C16orf87: variants seen among roughly 807,000 people sequenced by gnomAD.
The protein encoded by C16orf87 is HDAC and MIER1 interacting protein 1.
A neutral mutation model predicts 21.0 loss-of-function variants in C16orf87; 13 were observed. The ratio of observed to expected loss-of-function variants is 0.62; its 90% CI spans 0.40 to 0.98. The LOEUF (loss-of-function observed/expected upper bound fraction) is 0.98. Among genes scored for constraint, C16orf87 ranks in the 50% least tolerant of loss-of-function variants. The pLI is 0.00. For synonymous variants in C16orf87, 49 were observed against 60.2 expected (o/e 0.81, Z 0.86); for missense variants, 113 against 180.4 (o/e 0.63, Z 2.14).
intron 2 of C16orf87, among the ~76,000 whole-genome samples, chr16:46,815,870 A>C (rs1041231284): frequency 2.6e-5 from 4 of 152,202 alleles, no homozygotes; most frequent in Admixed American, 2.6e-4. Flanking sequence ...AAATAGAATC[A>C]ACATATGATC....
intron 3 of C16orf87, 41 bp from the exon 4 acceptor site, chr16:46,803,111 G>A (rs1482418220): frequency 2.2e-6 from 2 of 923,410 alleles, no homozygotes; most frequent in Non-Finnish European, 3.4e-6. Context: ...AAAGGCAGTA[G>A]ATGCAGTAAA....
At chr16:46,820,778 C>T (rs1236784551) in intron 2 of C16orf87, among the ~76,000 whole-genome samples, 1 of 152,196 alleles carries the variant, frequency 6.6e-6, no homozygotes, top group Admixed American at 6.5e-5. Flanking sequence ...ACTGGTAAGA[C>T]TGGTCTCCAA....
At chr16:46,811,937 A>G (rs1254148688) in intron 2 of C16orf87, among the ~76,000 whole-genome samples, 1 of 152,122 alleles carries the variant, frequency 6.6e-6, no homozygotes, top group Non-Finnish European at 1.5e-5. Context: ...TGGGTGACAA[A>G]GCGACACCCT....
chr16:46,824,493 A>G lies in C16orf87; in HGVS notation c.67-11T>C. Reference sequence around the variant, plus strand: ...ACATGCAACAGGAACCTGTAGGAAAAAAAGAAAAATATATATTATTACTAT... The same window carrying G: ...ACATGCAACAGGAACCTGTAGGAAAGAAAGAAAAATATATATTATTACTAT... On this transcript the variant is annotated splice_polypyrimidine_tract_variant and intron_variant, in intron 1 of 3. Transcript: ENST00000285697. The G allele has an allele frequency of 7.9e-7, 1 of 1,273,108 alleles. No individual in the cohort carries two copies. The highest frequency in any genetic ancestry group is 2.1e-5 in the Admixed American group (1 of 47,226). The allele number at this position is 1,273,108 out of a possible 1,614,324, so 78.9% of individuals were successfully genotyped here. A position where few individuals can be genotyped will look rare whatever the true frequency, so the allele number is the denominator to read the frequency against.
At chr16:46,828,628 C>T (rs1246367889) in intron 1 of C16orf87, among the ~76,000 whole-genome samples, 1 of 152,156 alleles carries the variant, frequency 6.6e-6, no homozygotes, top group Non-Finnish European at 1.5e-5. Flanking sequence ...GATCTCTGTA[C>T]CCATTTTTCA....
At chr16:46,810,190 G>T (rs1968041971) in intron 2 of C16orf87, among the ~76,000 whole-genome samples, 1 of 152,122 alleles carries the variant, frequency 6.6e-6, no homozygotes, top group Admixed American at 6.6e-5. Context: ...ATTAAAATAT[G>T]TGAAATATGC....
At position 46,806,746 on chromosome 16, in the gene C16orf87, A is replaced by T. The variant is rs531988579; in HGVS notation, c.346+2857T>A. Among the ~76,000 whole-genome samples the T allele has an allele frequency of 5.2e-3, 792 of 152,314 alleles. 3 individuals carry two copies. The highest frequency in any genetic ancestry group is 7.4e-3 in the Non-Finnish European group (502 of 68,018). On this transcript the variant is annotated intron_variant, in intron 3 of 3. Transcript: ENST00000285697. Reference sequence around the variant, plus strand: ...TTTATAAAGATATATTATTATGATGATGTCTAACAAGCTTTCCTTTTCCAT... The same window carrying T: ...TTTATAAAGATATATTATTATGATGTTGTCTAACAAGCTTTCCTTTTCCAT...
chr16:46,803,631 C>A (rs938604287), intron 3 of C16orf87, among the ~76,000 whole-genome samples: 5 of 151,612 alleles, frequency 3.3e-5, no homozygotes, highest in African/African-American at 9.7e-5. Context: ...TTTCAGGATC[C>A]CCTGATTCTA....
chr16:46,822,786 T>C (rs1187878185), intron 2 of C16orf87, among the ~76,000 whole-genome samples: 1 of 152,224 alleles, frequency 6.6e-6, no homozygotes, highest in African/African-American at 2.4e-5. Flanking sequence ...GCTAGAATGA[T>C]CTTTCTAAAA....
intron 1 of C16orf87, among the ~76,000 whole-genome samples, chr16:46,827,584 T>A (rs1195372961): frequency 6.6e-6 from 1 of 152,162 alleles, no homozygotes; most frequent in Non-Finnish European, 1.5e-5. Context: ...TATTTATTTA[T>A]TTATCTTTTT....
intron 2 of C16orf87, among the ~76,000 whole-genome samples, chr16:46,810,206 C>T (rs1488903702): frequency 1.3e-5 from 2 of 152,056 alleles, no homozygotes; most frequent in Non-Finnish European, 2.9e-5. Context: ...TATGCAAAAG[C>T]AAAACTGATC....
At chr16:46,817,766 G>C (rs1022035424) in intron 2 of C16orf87, among the ~76,000 whole-genome samples, 1 of 151,658 alleles carries the variant, frequency 6.6e-6, no homozygotes, top group Non-Finnish European at 1.5e-5. Flanking sequence ...ATAGCTGTAC[G>C]GCAGACCTAA....
At chr16:46,823,431 C>T (rs1219783235) in intron 2 of C16orf87, among the ~76,000 whole-genome samples, 1 of 152,008 alleles carries the variant, frequency 6.6e-6, no homozygotes, top group African/African-American at 2.4e-5. Flanking sequence ...TGCTTTTAGC[C>T]AAGAATAAGT....
chr16:46,814,393 AG>A (rs1442225619), intron 2 of C16orf87, among the ~76,000 whole-genome samples: 1 of 152,226 alleles, frequency 6.6e-6, no homozygotes, highest in Non-Finnish European at 1.5e-5. Context: ...GGAAGCTCTC[AG>A]GAACAGAGCA....
At chr16:46,818,154 G>A in intron 2 of C16orf87, among the ~76,000 whole-genome samples, 1 of 151,962 alleles carries the variant, frequency 6.6e-6, no homozygotes, top group East Asian at 1.9e-4. Context: ...GGGATTATAG[G>A]CATGAGTCAC....
Position 46,801,993 on chromosome 16 carries a change from T to C in C16orf87, c.*959A>G, listed in dbSNP as rs762155090. 6.6e-6 allele frequency: 1 copy of C among 152,180 alleles called. No homozygotes were observed. The highest frequency in any genetic ancestry group is 2.1e-4 in the South Asian group (1 of 4,828). 9.4% of individuals were successfully genotyped at this position (152,180 alleles called of 1,614,324 possible). On this transcript the variant is annotated 3_prime_UTR_variant, in exon 4 of 4. Coordinates refer to ENST00000285697, the MANE Select transcript of C16orf87 (RefSeq NM_001001436.4). ...TAGAAAAATTAAGAATTTAAATATATTTCACAAACTTCACCAGAACAAAAA... is the reference window on the plus strand; with the variant it reads ...TAGAAAAATTAAGAATTTAAATATACTTCACAAACTTCACCAGAACAAAAA...
intron 1 of C16orf87, among the ~76,000 whole-genome samples, chr16:46,825,701 C>T (rs1370069515): frequency 1.3e-5 from 2 of 152,038 alleles, no homozygotes; most frequent in Non-Finnish European, 2.9e-5. Flanking sequence ...CACTTGAGGT[C>T]AGGAGTTTGA....
chr16:46,812,096 T>C (rs757399294), intron 2 of C16orf87, among the ~76,000 whole-genome samples: 1 of 151,960 alleles, frequency 6.6e-6, no homozygotes, highest in Non-Finnish European at 1.5e-5. Flanking sequence ...ATATACAAAT[T>C]AGCCAGGCAT....
intron 2 of C16orf87, among the ~76,000 whole-genome samples, chr16:46,810,969 T>C (rs1041265176): frequency 1.3e-5 from 2 of 152,186 alleles, no homozygotes; most frequent in African/African-American, 4.8e-5. Flanking sequence ...CATACGAAGA[T>C]ACTAAAGAAC....
Sources: allele counts gnomAD v4.1 joint callset (sites outside exome capture counted in the v4.1 genomes callset), GRCh38; gene constraint gnomAD v4.1.1; transcripts MANE v1.5; gene names NCBI Gene and HGNC (gene_info 2026-07-23, HGNC 2026-07-21).